The following NUP37 variants were observed in gnomAD, a reference collection of about 807,000 sequenced individuals.
NUP37 encodes the protein nucleoporin Nup37.
NUP37 carries 33 observed loss-of-function variants against 45.4 expected under a neutral mutation model. The observed-to-expected ratio is 0.73, with a 90% confidence interval of 0.55 to 0.97. The LOEUF is 0.97. Among genes scored for constraint, NUP37 ranks in the 50% least tolerant of loss-of-function variants. The pLI, the probability that NUP37 is intolerant of heterozygous loss-of-function variation, is 0.00. For missense variants in NUP37, 365 were observed against 389.7 expected (o/e 0.94, Z 0.53); for synonymous variants, 127 against 130.7 (o/e 0.97, Z 0.19).
At chr12:102,107,572 C>T (rs1880189505) in intron 3 of NUP37, among the ~76,000 whole-genome samples, 1 of 152,136 alleles carries the variant, frequency 6.6e-6, no homozygotes, top group Admixed American at 6.5e-5. Flanking sequence ...GATATATACA[C>T]ACAGTAATGC....
chr12:102,089,836 T>C (rs564802428), intron 5 of NUP37, among the ~76,000 whole-genome samples: 27 of 152,352 alleles, frequency 1.8e-4, no homozygotes, highest in African/African-American at 6.3e-4. Context: ...CACAACAACA[T>C]ATATATTCAT....
intron 6 of NUP37, among the ~76,000 whole-genome samples, chr12:102,084,426 G>A (rs1298155823): frequency 6.6e-6 from 1 of 152,090 alleles, no homozygotes; most frequent in Non-Finnish European, 1.5e-5. Context: ...TGGGCAGATC[G>A]CTTGAGACAA....
At chr12:102,109,349 G>A (rs1035425884) in intron 3 of NUP37, among the ~76,000 whole-genome samples, 1 of 152,154 alleles carries the variant, frequency 6.6e-6, no homozygotes, top group African/African-American at 2.4e-5. Context: ...GAGAGATGCT[G>A]AGTTATACCT....
intron 5 of NUP37, among the ~76,000 whole-genome samples, chr12:102,086,197 GT>G (rs1191480455): frequency 6.6e-6 from 1 of 152,014 alleles, no homozygotes; most frequent in African/African-American, 2.4e-5. Flanking sequence ...CACTAATCAG[GT>G]TGTCTGACTA....
Position 102,112,115 on chromosome 12 carries a change from C to G in NUP37, c.274G>C (p.Val92Leu). The G allele has an allele frequency of 1.2e-6, 2 of 1,613,460 alleles. No individual in the cohort carries two copies. Among genetic ancestry groups the G allele is most frequent in the Non-Finnish European group, 1.7e-6 (2 of 1,179,554 alleles). ...TGGTACTGTTAAACTTACTTGATTA[C>G]TGGAGGCAATGAATCAAGTCTAGTC... ...PETRLDSLPP[V>L]IKFCTSAADM... The change falls in exon 3 of 10, where the codon GTA becomes CTA. Residue 92 changes from valine (V) to leucine (L), a missense_variant. Val to Leu is a conservative substitution (Grantham distance 32). Coordinates refer to ENST00000552283, the MANE Select transcript of NUP37 (RefSeq NM_024057.4).
intron 8 of NUP37, among the ~76,000 whole-genome samples, chr12:102,075,879 C>G (rs996182299): frequency 1.4e-5 from 2 of 145,676 alleles, no homozygotes; most frequent in Non-Finnish European, 3.0e-5. Context: ...TCTCCTCTTA[C>G]TTTTTTTTTT....
At chr12:102,078,170 A>G (rs1488478547) in intron 6 of NUP37, among the ~76,000 whole-genome samples, 1 of 151,938 alleles carries the variant, frequency 6.6e-6, no homozygotes, top group Non-Finnish European at 1.5e-5. Context: ...TCTACTAAAA[A>G]AAAAAAAAAA....
At chr12:102,076,268 A>C (rs1177948030) in intron 8 of NUP37, among the ~76,000 whole-genome samples, 1 of 152,182 alleles carries the variant, frequency 6.6e-6, no homozygotes, top group African/African-American at 2.4e-5. Flanking sequence ...GCATATAATA[A>C]AATTTCACTG....
intron 3 of NUP37, among the ~76,000 whole-genome samples, chr12:102,110,101 A>T (rs1880267531): frequency 6.6e-6 from 1 of 152,216 alleles, no homozygotes; most frequent in Non-Finnish European, 1.5e-5. Context: ...AACCTATAAG[A>T]AATCACACAA....
chr12:102,106,691 T>C (rs1880166575), intron 3 of NUP37, among the ~76,000 whole-genome samples: 1 of 152,176 alleles, frequency 6.6e-6, no homozygotes, highest in Admixed American at 6.5e-5. Flanking sequence ...ATTTGGGACA[T>C]TACAGGTCTG....
At chr12:102,118,341 C>T (rs369497976) in intron 2 of NUP37, 22 bp downstream of exon 2, 17 of 1,597,330 alleles carry the variant, frequency 1.1e-5, no homozygotes, top group African/African-American at 9.4e-5. Context: ...CACTGTCATT[C>T]GGTGCAGTTT....
chr12:102,086,511 T>C (rs1879476380), intron 5 of NUP37, among the ~76,000 whole-genome samples: 1 of 152,228 alleles, frequency 6.6e-6, no homozygotes, highest in Admixed American at 6.5e-5. Context: ...GTTCTTCCTG[T>C]TCTCACTTTC....
chr12:102,087,086 A>T (rs1208142719), intron 5 of NUP37, among the ~76,000 whole-genome samples: 40 of 152,158 alleles, frequency 2.6e-4, no homozygotes. Context: ...GGTGACAGAG[A>T]CCCTGTCTCA....
At chr12:102,114,822 G>A (rs531504699) in intron 2 of NUP37, among the ~76,000 whole-genome samples, 2 of 152,166 alleles carry the variant, frequency 1.3e-5, no homozygotes, top group Non-Finnish European at 2.9e-5. Context: ...TATTTCTTTG[G>A]GAAGTTTATT....
intron 6 of NUP37, among the ~76,000 whole-genome samples, chr12:102,084,379 C>T (rs1026530155): frequency 2.0e-5 from 3 of 152,170 alleles, no homozygotes; most frequent in Non-Finnish European, 4.4e-5. Context: ...GGTACGGTGG[C>T]TCACAACTGT....
intron 2 of NUP37, among the ~76,000 whole-genome samples, chr12:102,113,434 C>G (rs1452115196): frequency 6.6e-6 from 1 of 152,146 alleles, no homozygotes; most frequent in Non-Finnish European, 1.5e-5. Context: ...AGCAGGTATA[C>G]AGGGATCCAT....
intron 3 of NUP37, among the ~76,000 whole-genome samples, chr12:102,108,656 G>C (rs555592449): frequency 6.6e-6 from 1 of 152,066 alleles, no homozygotes; most frequent in African/African-American, 2.4e-5. Flanking sequence ...TGCAAATAAA[G>C]GGTAAGAAAA....
At chr12:102,089,531 C>T (rs552729051) in intron 5 of NUP37, among the ~76,000 whole-genome samples, 142 of 142,262 alleles carry the variant, frequency 1.0e-3, no homozygotes, top group Non-Finnish European at 1.6e-3. Flanking sequence ...CCAGACGGGG[C>T]GGCCAGGCAG....
At chr12:102,106,318 T>C (rs1444142822) in intron 3 of NUP37, among the ~76,000 whole-genome samples, 1 of 152,254 alleles carries the variant, frequency 6.6e-6, no homozygotes, top group Admixed American at 6.5e-5. Flanking sequence ...TCATAAATAG[T>C]ATACAAATAT....
Sources: allele counts gnomAD v4.1 joint callset (sites outside exome capture counted in the v4.1 genomes callset), GRCh38; gene constraint gnomAD v4.1.1; transcripts MANE v1.5; gene names NCBI Gene and HGNC (gene_info 2026-07-23, HGNC 2026-07-21).